LYL1: variants seen among roughly 807,000 people sequenced by gnomAD.
LYL1 encodes LYL1 basic helix-loop-helix family member, also known as protein lyl-1.
Under a neutral mutation model 11.1 loss-of-function variants are expected in LYL1, and 4 were observed. The observed-to-expected ratio is 0.36, with a 90% CI of 0.18 to 0.82. The LOEUF (loss-of-function observed/expected upper bound fraction) is 0.82. LYL1 is among the 40% of genes least tolerant of loss of function. The pLI, the probability that LYL1 is intolerant of heterozygous loss-of-function variation, is 0.49. For synonymous variants in LYL1, 179 were observed against 174.8 expected, an observed-to-expected ratio of 1.02 and a Z score of -0.19; for missense variants, 356 against 397.6, an observed-to-expected ratio of 0.90 and a Z score of 0.89.
intron 3 of LYL1, 101 bp downstream of exon 3, chr19:13,100,556 G>T (rs1018331115): frequency 1.9e-4 from 209 of 1,080,124 alleles, no homozygotes; most frequent in Non-Finnish European, 2.7e-4. Context: ...GTGGAGTAGA[G>T]GACAGACATG....
chr19:13,099,695 TTGG>T lies in LYL1; in HGVS notation c.464_466del (p.Thr155del). Reference sequence around the variant, plus strand: ...CTGCTGCCGCCAGCGCTCCCGGCTGTTGGTGAACACGCGCCGGGCCACCTTCTG... The same window carrying T: ...CTGCTGCCGCCAGCGCTCCCGGCTGTTGAACACGCGCCGGGCCACCTTCTG... On this transcript the variant is annotated inframe_deletion, in exon 4 of 4. Coordinates refer to ENST00000264824, the MANE Select transcript of LYL1 (RefSeq NM_005583.5). This position sits in a 1 kb window ranked among gnomAD's most constrained non-coding sequence, Gnocchi z 5.3. The T allele has an allele frequency of 6.5e-7, 1 of 1,549,640 alleles. No homozygotes were observed. Among genetic ancestry groups the T allele is most frequent in the Non-Finnish European group, 8.7e-7 (1 of 1,147,262 alleles).
In LYL1 at chr19:13,100,968, G is replaced by T; in HGVS notation, c.204C>A (p.Ser68Arg). ...PGVPVISLGH[S>R]RPPGVAMPTT... ...TGGGCATGGCTACCCCTGGGGGCCT[G>T]CTGTGGCCCAGGCTGATCACTGGTA... The change falls in exon 2 of 4, where the codon AGC becomes AGA. Residue 68 changes from serine (S) to arginine (R), a missense_variant. Physicochemically the swap from Ser to Arg is moderately radical, Grantham distance 110. Transcript: ENST00000264824. 1 of 1,502,562 alleles carries T rather than the reference G, an allele frequency of 6.7e-7. No homozygotes were observed. The highest frequency in any genetic ancestry group is 8.9e-7 in the Non-Finnish European group (1 of 1,124,742). The allele number at this position is 1,502,562 out of a possible 1,614,324, so 93.1% of individuals were successfully genotyped here.
chr19:13,100,576 CAG>C (rs1184478613), intron 3 of LYL1, 79 bp downstream of exon 3: 2 of 1,307,928 alleles, frequency 1.5e-6, no homozygotes, highest in Non-Finnish European at 2.2e-6. Flanking sequence ...GAGCCCCACA[CAG>C]AGACGGCCAG....
chr19:13,101,035 CCCACCTCCT>C lies in LYL1; in HGVS notation c.128_136del (p.Glu43_Val45del). On this transcript the variant is annotated inframe_deletion, in exon 2 of 4. Coordinates refer to ENST00000264824, the MANE Select transcript of LYL1 (RefSeq NM_005583.5). The surrounding 1 kb of genome is among the most constrained non-coding windows in gnomAD (Gnocchi z 5.1). Reference sequence around the variant, plus strand: ...GGGGGGCGAGGAGCCTCCTCGGTGGCCCACCTCCTCCACCTGCGGGGGCCCAGGCGAGGC... The same window carrying C: ...GGGGGGCGAGGAGCCTCCTCGGTGGCCCACCTGCGGGGGCCCAGGCGAGGC... 6.8e-7 allele frequency: 1 copy of C among 1,480,460 alleles called. No individual in the cohort carries two copies. Among genetic ancestry groups the C allele is most frequent in the Non-Finnish European group, 9.0e-7 (1 of 1,116,912 alleles). The allele number at this position is 1,480,460 out of a possible 1,614,324, so 91.7% of individuals were successfully genotyped here.
Position 13,099,250 on chromosome 19 carries a change from T to A in LYL1, c.*69A>T. 1 of 1,209,854 alleles carries A rather than the reference T, an allele frequency of 8.3e-7. No homozygotes were observed. The highest frequency in any genetic ancestry group is 1.0e-6 in the Non-Finnish European group (1 of 967,458). The allele number at this position is 1,209,854 out of a possible 1,614,324, so 74.9% of individuals were successfully genotyped here. ...TCCCGAACATGCGCAGCACGTCCAC[T>A]GCCCTTTCCTTGACGGCCCTGGGCC... On this transcript the variant is annotated 3_prime_UTR_variant, in exon 4 of 4. Coordinates refer to ENST00000264824, the MANE Select transcript of LYL1 (RefSeq NM_005583.5). The surrounding 1 kb of genome is among the most constrained non-coding windows in gnomAD (Gnocchi z 5.3).
chr19:13,099,521 G>T lies in LYL1; in HGVS notation c.641C>A (p.Ala214Asp). The T allele has an allele frequency of 1.3e-6, 2 of 1,489,054 alleles. No individual in the cohort carries two copies. Among genetic ancestry groups the T allele is most frequent in the Non-Finnish European group, 1.8e-6 (2 of 1,113,312 alleles). The allele number at this position is 1,489,054 out of a possible 1,614,324, so 92.2% of individuals were successfully genotyped here. A position where few individuals can be genotyped will look rare whatever the true frequency, so the allele number is the denominator to read the frequency against. ...RLLRDQAAAL[A>D]AGPTPPGPRK... ...AGGCCCGGGAGGGGTGGGGCCTGCGGCCAGAGCTGCGGCTTGGTCGCGCAG... is the reference window on the plus strand; with the variant it reads ...AGGCCCGGGAGGGGTGGGGCCTGCGTCCAGAGCTGCGGCTTGGTCGCGCAG... The change falls in exon 4 of 4, where the codon GCC becomes GAC. Residue 214 changes from alanine to aspartate, a missense_variant. Physicochemically the swap from Ala to Asp is moderately radical, Grantham distance 126. Transcript: ENST00000264824. The surrounding 1 kb of genome is among the most constrained non-coding windows in gnomAD (Gnocchi z 5.3).
chr19:13,101,167 C>T lies in LYL1; in HGVS notation c.5G>A (p.Cys2Tyr). The change falls in exon 2 of 4, where the codon TGC becomes TAC. Residue 2 changes from cysteine (C) to tyrosine (Y), a missense_variant. Transcript: ENST00000264824. The surrounding 1 kb of genome is among the most constrained non-coding windows in gnomAD (Gnocchi z 5.1). ...CACCTCTGCCTGTGCCTGAGGCGGG[C>T]ACATGGACCCCGACGTGGGGGTACT... M[C>Y]PPQAQAEVGP... 2 of 1,443,094 alleles carry T rather than the reference C, an allele frequency of 1.4e-6. No individual in the cohort carries two copies. The highest frequency in any genetic ancestry group is 3.2e-5 in the South Asian group (2 of 63,172). 89.4% of individuals were successfully genotyped at this position (1,443,094 alleles called of 1,614,324 possible).
chr19:13,099,611 C>T lies in LYL1; in HGVS notation c.551G>A (p.Arg184Gln). The change falls in exon 4 of 4, where the codon CGG becomes CAG. Residue 184 changes from arginine (R) to glutamine (Q), a missense_variant. By Grantham distance (43) the Arg-to-Gln change is conservative. Coordinates refer to ENST00000264824, the MANE Select transcript of LYL1 (RefSeq NM_005583.5). The surrounding 1 kb of genome is among the most constrained non-coding windows in gnomAD (Gnocchi z 5.3). ...GAGCACCTCGTTCTTGCTCAGCTTC[C>T]GGTCGGGCGGGTGCGTCGGCAGCAG... ...RKLLPTHPPD[R>Q]KLSKNEVLRL... 2 of 1,557,008 alleles carry T rather than the reference C, an allele frequency of 1.3e-6. No homozygotes were observed. Among genetic ancestry groups the T allele is most frequent in the Non-Finnish European group, 1.7e-6 (2 of 1,151,070 alleles).
Position 13,101,860 on chromosome 19 carries a change from GCTGACCCTAGACCCCCAAACA to G in LYL1, c.-25+650_-24-666del, listed in dbSNP as rs774828760. On this transcript the variant is annotated intron_variant, in intron 1 of 3. Coordinates refer to ENST00000264824, the MANE Select transcript of LYL1 (RefSeq NM_005583.5). This position sits in a 1 kb window ranked among gnomAD's most constrained non-coding sequence, Gnocchi z 5.1. ...CACTACTGACACTATGACCTCAAAT[GCTGACCCTAGACCCCCAAACA>G]CTGACCCCACTGCCCAGTCCAGTCC... 1.0e-3 allele frequency: 237 copies of G among 231,700 alleles called. No homozygotes were observed. The highest frequency in any genetic ancestry group is 1.8e-3 in the Admixed American group (31 of 17,666). 14.4% of individuals were successfully genotyped at this position (231,700 alleles called of 1,614,324 possible).
Position 13,100,869 on chromosome 19 carries a change from G to T in LYL1, c.303C>A (p.Ala101=). 6.4e-7 allele frequency: 1 copy of T among 1,569,918 alleles called. No individual in the cohort carries two copies. Among genetic ancestry groups the T allele is most frequent in the African/African-American group, 1.4e-5 (1 of 74,072 alleles). Residue 101 remains alanine, a synonymous_variant, in exon 2 of 4, where the codon GCC becomes GCA. Coordinates refer to ENST00000264824, the MANE Select transcript of LYL1 (RefSeq NM_005583.5). ...GGAAGGGGTGAGGGTGGTAGTGCAG[G>T]GCCAAAGTGGGCGGGGCAGTTCCCA... ...STLGTAPPTL[A]LHYHPHPFLN... is the part of the protein sequence containing the mutation.
At position 13,101,254 on chromosome 19, in the gene LYL1, T is replaced by A; in HGVS notation, c.-24-59A>T. On this transcript the variant is annotated intron_variant, in intron 1 of 3. Transcript: ENST00000264824. The surrounding 1 kb of genome is among the most constrained non-coding windows in gnomAD (Gnocchi z 5.1). ...ACTAGGTGCCCCGCTCCCACCTGCT[T>A]AGCTCAAGAAACCCCTCAAATGGGA... 1 of 640,912 alleles carries A rather than the reference T, an allele frequency of 1.6e-6. No homozygotes were observed. Among genetic ancestry groups the A allele is most frequent in the Non-Finnish European group, 2.4e-6 (1 of 423,026 alleles). The allele number at this position is 640,912 out of a possible 1,614,324, so 39.7% of individuals were successfully genotyped here.
Position 13,101,304 on chromosome 19 carries a change from A to C in LYL1, c.-24-109T>G. ...AAGGAGGGAGGGGGAGGGGGAAAGG[A>C]GGAGGAGAGAAGTTTCAGTAGGCAA... On this transcript the variant is annotated intron_variant, in intron 1 of 3. Coordinates refer to ENST00000264824, the MANE Select transcript of LYL1 (RefSeq NM_005583.5). This position sits in a 1 kb window ranked among gnomAD's most constrained non-coding sequence, Gnocchi z 5.1. The C allele has an allele frequency of 7.2e-6, 3 of 416,064 alleles. No homozygotes were observed. The highest frequency in any genetic ancestry group is 1.2e-5 in the Non-Finnish European group (3 of 240,924). 25.8% of individuals were successfully genotyped at this position (416,064 alleles called of 1,614,324 possible). A position where few individuals can be genotyped will look rare whatever the true frequency, so the allele number is the denominator to read the frequency against.
chr19:13,099,729 G>C lies in LYL1; in HGVS notation c.433C>G (p.Gln145Glu). The C allele has an allele frequency of 6.7e-7, 1 of 1,491,456 alleles. No individual in the cohort carries two copies. The highest frequency in any genetic ancestry group is 9.0e-7 in the Non-Finnish European group (1 of 1,114,936). The allele number at this position is 1,491,456 out of a possible 1,614,324, so 92.4% of individuals were successfully genotyped here. A position where few individuals can be genotyped will look rare whatever the true frequency, so the allele number is the denominator to read the frequency against. ...HCELDLAEGHQPQKVARRVFT... is the reference protein window; with the variant it reads ...HCELDLAEGHEPQKVARRVFT... The stretch of plus-strand genomic sequence containing the variant: ...ACGCGCCGGGCCACCTTCTGGGGCT[G>C]GTGCCCTGTGGACAAGGAGGGCCGG... Residue 145 changes from glutamine (Q) to glutamate (E), a missense_variant, in exon 4 of 4, where the codon CAG (glutamine) becomes GAG (glutamate). Transcript: ENST00000264824. This position sits in a 1 kb window ranked among gnomAD's most constrained non-coding sequence, Gnocchi z 5.3.
At position 13,101,199 on chromosome 19, in the gene LYL1, T is replaced by A; in HGVS notation, c.-24-4A>T. ...ACCCCGACGTGGGGGTACTCACCTG[T>A]GGGAAAGAAGGCAGCCAGTGGGGAG... On this transcript the variant is annotated splice_polypyrimidine_tract_variant and splice_region_variant and intron_variant, in intron 1 of 3. Transcript: ENST00000264824. The surrounding 1 kb of genome is among the most constrained non-coding windows in gnomAD (Gnocchi z 5.1). The A allele has an allele frequency of 7.5e-7, 1 of 1,330,544 alleles. No individual in the cohort carries two copies. Among genetic ancestry groups the A allele is most frequent in the Non-Finnish European group, 9.8e-7 (1 of 1,019,968 alleles). 82.4% of individuals were successfully genotyped at this position (1,330,544 alleles called of 1,614,324 possible).
rs1418884710 is a variant in LYL1 at position 13,100,884 on chromosome 19, G to C, written c.288C>G (p.Ala96=). ...PLLQLSTLGT[A]PPTLALHYHP... ...GGTAGTGCAGGGCCAAAGTGGGCGG[G>C]GCAGTTCCCAGGGTGGAGAGTTGCA... Residue 96 remains alanine (A), a synonymous_variant, in exon 2 of 4, where the codon GCC becomes GCG. Coordinates refer to ENST00000264824, the MANE Select transcript of LYL1 (RefSeq NM_005583.5). The C allele has an allele frequency of 6.4e-7, 1 of 1,566,538 alleles. No individual in the cohort carries two copies. The highest frequency in any genetic ancestry group is 8.7e-7 in the Non-Finnish European group (1 of 1,155,812).
Position 13,101,009 on chromosome 19 carries a change from TG to T in LYL1, c.162del (p.Arg55GlyfsTer8). 1.4e-6 allele frequency: 2 copies of T among 1,473,192 alleles called. No homozygotes were observed. The highest frequency in any genetic ancestry group is 1.4e-5 in the South Asian group (1 of 69,906). 91.3% of individuals were successfully genotyped at this position (1,473,192 alleles called of 1,614,324 possible). On this transcript the variant is annotated frameshift_variant, in exon 2 of 4. Coordinates refer to ENST00000264824, the MANE Select transcript of LYL1 (RefSeq NM_005583.5). LOFTEE classifies it high-confidence loss of function. The surrounding 1 kb of genome is among the most constrained non-coding windows in gnomAD (Gnocchi z 5.1). ...EVGHRGGSSP[P>X]RLPPGVPVIS... ...ATCACTGGTACACCAGGTGGCAGCCTGGGGGGCGAGGAGCCTCCTCGGTGGC... is the reference window on the plus strand; with the variant it reads ...ATCACTGGTACACCAGGTGGCAGCCTGGGGGCGAGGAGCCTCCTCGGTGGC...
Position 13,102,020 on chromosome 19 carries a change from G to C in LYL1, c.-25+511C>G, listed in dbSNP as rs1235858626. The C allele has an allele frequency of 9.0e-6, 2 of 222,180 alleles. No individual in the cohort carries two copies. Among genetic ancestry groups the C allele is most frequent in the African/African-American group, 4.5e-5 (2 of 44,590 alleles). 13.8% of individuals were successfully genotyped at this position (222,180 alleles called of 1,614,324 possible). On this transcript the variant is annotated intron_variant, in intron 1 of 3. Transcript: ENST00000264824. The surrounding 1 kb of genome is among the most constrained non-coding windows in gnomAD (Gnocchi z 4.9). ...AGGGTCTCCCTCTGTTGTCCAGGCT[G>C]GAGTGCAGTGGTGCAATCATAGTGC...
In LYL1 at chr19:13,101,075, TA is replaced by T; in HGVS notation, c.96del (p.Lys33SerfsTer30). On this transcript the variant is annotated frameshift_variant, in exon 2 of 4. Coordinates refer to ENST00000264824, the MANE Select transcript of LYL1 (RefSeq NM_005583.5). LOFTEE classifies it high-confidence loss of function. This position sits in a 1 kb window ranked among gnomAD's most constrained non-coding sequence, Gnocchi z 5.1. ...TGCGGGGGCCCAGGCGAGGCAGGCTTAGGGGGTGGGGCAGGCGCTGGGCTGG... is the reference window on the plus strand; with the variant it reads ...TGCGGGGGCCCAGGCGAGGCAGGCTTGGGGGTGGGGCAGGCGCTGGGCTGG... Reference protein sequence around the residue: ...CAPSPAPAPPPKPASPGPPQV... With the variant: ...CAPSPAPAPPXKPASPGPPQV... 1 of 1,488,576 alleles carries T rather than the reference TA, an allele frequency of 6.7e-7. No homozygotes were observed. Among genetic ancestry groups the T allele is most frequent in the African/African-American group, 1.4e-5 (1 of 71,004 alleles). 92.2% of individuals were successfully genotyped at this position (1,488,576 alleles called of 1,614,324 possible). A position where few individuals can be genotyped will look rare whatever the true frequency, so the allele number is the denominator to read the frequency against.
Position 13,099,604 on chromosome 19 carries a change from C to T in LYL1, c.558G>A (p.Leu186=). ...LLPTHPPDRK[L]SKNEVLRLAM... is the part of the protein sequence containing the mutation. ...CTAGGCGGAGCACCTCGTTCTTGCT[C>T]AGCTTCCGGTCGGGCGGGTGCGTCG... is the stretch of plus-strand genomic sequence containing the variant. The change falls in exon 4 of 4, where the codon CTG becomes CTA. Residue 186 remains leucine (L), a synonymous_variant. Coordinates refer to ENST00000264824, the MANE Select transcript of LYL1 (RefSeq NM_005583.5). The surrounding 1 kb of genome is among the most constrained non-coding windows in gnomAD (Gnocchi z 5.3). 6.4e-7 allele frequency: 1 copy of T among 1,557,424 alleles called. No individual in the cohort carries two copies. The highest frequency in any genetic ancestry group is 8.7e-7 in the Non-Finnish European group (1 of 1,151,312).
Sources: allele counts gnomAD v4.1 joint callset, GRCh38; gene constraint gnomAD v4.1.1; non-coding constraint Gnocchi (gnomAD v3.1); transcripts MANE v1.5; gene names NCBI Gene and HGNC (gene_info 2026-07-23, HGNC 2026-07-21).